The following TMEM33 variants were observed in gnomAD, a reference collection of about 807,000 sequenced individuals.
TMEM33 encodes the protein transmembrane protein 33.
TMEM33 carries 16 observed loss-of-function variants against 29.7 expected under a neutral mutation model. That is an observed-to-expected ratio of 0.54 (90% CI 0.36 to 0.82). The LOEUF (loss-of-function observed/expected upper bound fraction) is 0.82. Ranked by LOEUF, TMEM33 falls within the 40% of genes least tolerant of loss-of-function variation. The pLI is 0.00. For synonymous variants in TMEM33, 112 were observed against 109.4 expected (o/e 1.02, Z -0.15); for missense variants, 252 against 295.3 (o/e 0.85, Z 1.08).
At position 41,956,817 on chromosome 4, in the gene TMEM33, A is replaced by T. The variant is rs902999027; in HGVS notation, c.*2618A>T. 6.6e-6 allele frequency: 1 copy of T among 152,188 alleles called. No individual in the cohort carries two copies. The highest frequency in any genetic ancestry group is 1.5e-5 in the Non-Finnish European group (1 of 68,014). 9.4% of individuals were successfully genotyped at this position (152,188 alleles called of 1,614,324 possible). On this transcript the variant is annotated 3_prime_UTR_variant, in exon 7 of 7. Transcript: ENST00000504986. ...TTAAACTTACGAAAAAGTAAATTTTACAATTTGAGCATTACTAGATGTTTA... is the reference window on the plus strand; with the variant it reads ...TTAAACTTACGAAAAAGTAAATTTTTCAATTTGAGCATTACTAGATGTTTA...
At position 41,954,936 on chromosome 4, in the gene TMEM33, CA is replaced by C. The variant is rs1445269097; in HGVS notation, c.*738del. On this transcript the variant is annotated 3_prime_UTR_variant, in exon 7 of 7. Transcript: ENST00000504986. ...TTCCCTTCAAAGAGCCATTGAGAAA[CA>C]TTTCTCAAACAGGAAATCCTTCTTT... is the stretch of plus-strand genomic sequence containing the variant. The C allele has an allele frequency of 6.6e-6, 1 of 152,524 alleles. No homozygotes were observed. The highest frequency in any genetic ancestry group is 1.5e-5 in the Non-Finnish European group (1 of 68,036). 9.4% of individuals were successfully genotyped at this position (152,524 alleles called of 1,614,324 possible).
rs552774854 is a variant in TMEM33 at position 41,957,331 on chromosome 4, G to A, written c.*3132G>A. 5 of 147,134 alleles carry A rather than the reference G, an allele frequency of 3.4e-5. No homozygotes were observed. The highest frequency in any genetic ancestry group is 2.1e-4 in the South Asian group (1 of 4,678). The allele number at this position is 147,134 out of a possible 1,614,324, so 9.1% of individuals were successfully genotyped here. On this transcript the variant is annotated 3_prime_UTR_variant, in exon 7 of 7. Coordinates refer to ENST00000504986, the MANE Select transcript of TMEM33 (RefSeq NM_018126.3). Reference sequence around the variant, plus strand: ...TCCTCCTGGAAGAAAGAAAGCAAGCGAACTTTTTAAAGAAAATTAGACTTG... The same window carrying A: ...TCCTCCTGGAAGAAAGAAAGCAAGCAAACTTTTTAAAGAAAATTAGACTTG...
rs1234572075 is a variant in TMEM33, at chr4:41,954,926, C to G, written c.*727C>G. ...TGACACAGCTTTCCCTTCAAAGAGC[C>G]ATTGAGAAACATTTCTCAAACAGGA... On this transcript the variant is annotated 3_prime_UTR_variant, in exon 7 of 7. Transcript: ENST00000504986. The G allele has an allele frequency of 6.6e-6, 1 of 152,434 alleles. No homozygotes were observed. Among genetic ancestry groups the G allele is most frequent in the Non-Finnish European group, 1.5e-5 (1 of 68,032 alleles). 9.4% of individuals were successfully genotyped at this position (152,434 alleles called of 1,614,324 possible).
chr4:41,943,504 G>A (rs1385757886), intron 3 of TMEM33, among the ~76,000 whole-genome samples: 1 of 150,472 alleles, frequency 6.6e-6, no homozygotes, highest in Non-Finnish European at 1.5e-5. Context: ...CAGCCTGGGG[G>A]AGAAGAGTGA....
At chr4:41,949,420 G>C (rs372418751) in intron 6 of TMEM33, 35 bp downstream of exon 6, 94 of 1,519,732 alleles carry the variant, frequency 6.2e-5, no homozygotes, top group Non-Finnish European at 8.2e-5. Context: ...TGTTTTATTT[G>C]TTGAGAGTAT....
chr4:41,951,286 C>T (rs1713028164), intron 6 of TMEM33, among the ~76,000 whole-genome samples: 1 of 152,116 alleles, frequency 6.6e-6, no homozygotes, highest in Non-Finnish European at 1.5e-5. Flanking sequence ...CAGGTGGGTA[C>T]TCAAAAGCCA....
intron 3 of TMEM33, among the ~76,000 whole-genome samples, chr4:41,940,485 C>T (rs547793434): frequency 3.3e-5 from 5 of 151,908 alleles, no homozygotes; most frequent in Middle Eastern, 3.4e-3. Flanking sequence ...TAGGAGGAAA[C>T]CGAAATTTCC....
At position 41,944,718 on chromosome 4, in the gene TMEM33, G is replaced by A. The variant is rs1577650951; in HGVS notation, c.397-75G>A. On this transcript the variant is annotated intron_variant, in intron 4 of 6. Coordinates refer to ENST00000504986, the MANE Select transcript of TMEM33 (RefSeq NM_018126.3). ...GGTTGTATTGCCTGTTGGATAGGCTGTTTACCTACAGAAAGAAAATATTGT... is the reference window on the plus strand; with the variant it reads ...GGTTGTATTGCCTGTTGGATAGGCTATTTACCTACAGAAAGAAAATATTGT... 3.2e-6 allele frequency: 5 copies of A among 1,547,504 alleles called. No homozygotes were observed. In the East Asian group the frequency reaches 1.2e-4, roughly 36 times the overall value.
rs1376237884 is a variant in TMEM33 at position 41,958,797 on chromosome 4, C to G, written c.*4598C>G. On this transcript the variant is annotated 3_prime_UTR_variant, in exon 7 of 7. Transcript: ENST00000504986. ...AGTCTTGGCTCACTGCAACCTCTGCCTCCTGGGTTAAAGCGATTCTCATGC... is the reference window on the plus strand; with the variant it reads ...AGTCTTGGCTCACTGCAACCTCTGCGTCCTGGGTTAAAGCGATTCTCATGC... 1.3e-5 allele frequency: 2 copies of G among 149,306 alleles called. No homozygotes were observed. The highest frequency in any genetic ancestry group is 2.9e-5 in the Non-Finnish European group (2 of 67,810). 9.2% of individuals were successfully genotyped at this position (149,306 alleles called of 1,614,324 possible). A position where few individuals can be genotyped will look rare whatever the true frequency, so the allele number is the denominator to read the frequency against.
In TMEM33 at chr4:41,955,241, T is replaced by G. The variant is rs1455112391; in HGVS notation, c.*1042T>G. 1 of 152,374 alleles carries G rather than the reference T, an allele frequency of 6.6e-6. No individual in the cohort carries two copies. The highest frequency in any genetic ancestry group is 1.5e-5 in the Non-Finnish European group (1 of 67,964). The allele number at this position is 152,374 out of a possible 1,614,324, so 9.4% of individuals were successfully genotyped here. ...AGGTTTTATAGGTAAGGTAATTGATTGGGAATGGGGTAGGGGGAGGAGTTG... is the reference window on the plus strand; with the variant it reads ...AGGTTTTATAGGTAAGGTAATTGATGGGGAATGGGGTAGGGGGAGGAGTTG... On this transcript the variant is annotated 3_prime_UTR_variant, in exon 7 of 7. Transcript: ENST00000504986.
At chr4:41,941,585 C>T (rs1389140853) in intron 3 of TMEM33, among the ~76,000 whole-genome samples, 1 of 152,130 alleles carries the variant, frequency 6.6e-6, no homozygotes. Context: ...ACCTTTCTGC[C>T]TTTTTATACA....
intron 3 of TMEM33, among the ~76,000 whole-genome samples, chr4:41,940,183 C>A (rs541053908): frequency 1.3e-5 from 2 of 148,184 alleles, no homozygotes; most frequent in South Asian, 4.3e-4. Flanking sequence ...AAATAGGGTT[C>A]TTTACTATAG....
intron 1 of TMEM33, 121 bp downstream of exon 1, chr4:41,935,650 G>A: frequency 9.7e-7 from 1 of 1,029,730 alleles, no homozygotes; most frequent in Non-Finnish European, 1.4e-6. Context: ...TAATGAGTTG[G>A]GGTGGGGAAG....
intron 6 of TMEM33, among the ~76,000 whole-genome samples, chr4:41,953,587 T>C (rs1039775758): frequency 6.6e-6 from 1 of 152,248 alleles, no homozygotes; most frequent in East Asian, 1.9e-4. Flanking sequence ...AGTTTTCATC[T>C]AAAGTAACAG....
rs1713162533 is a variant in TMEM33 at position 41,954,166 on chromosome 4, C to A, written c.711C>A (p.Ala237=). The A allele has an allele frequency of 6.2e-7, 1 of 1,613,900 alleles. No homozygotes were observed. Among genetic ancestry groups the A allele is most frequent in the Non-Finnish European group, 8.5e-7 (1 of 1,179,826 alleles). ...FVRRLCLQSI[A]FISRLAPTVP is the part of the protein sequence containing the mutation. The stretch of plus-strand genomic sequence containing the variant: ...GAAGACTTTGTCTCCAGAGCATTGC[C>A]TTTATAAGCAGATTGGCACCAACAG... The change falls in exon 7 of 7, where the codon GCC becomes GCA. Residue 237 remains alanine, a synonymous_variant. Coordinates refer to ENST00000504986, the MANE Select transcript of TMEM33 (RefSeq NM_018126.3).
intron 5 of TMEM33, among the ~76,000 whole-genome samples, chr4:41,948,702 A>G (rs1221388476): frequency 6.6e-6 from 1 of 152,102 alleles, no homozygotes; most frequent in Non-Finnish European, 1.5e-5. Flanking sequence ...ACTTCCTTAC[A>G]GTTCACATTA....
intron 6 of TMEM33, among the ~76,000 whole-genome samples, chr4:41,950,651 TAGTG>T (rs1387273982): frequency 3.9e-5 from 6 of 152,300 alleles, no homozygotes; most frequent in Admixed American, 2.0e-4. Flanking sequence ...CATTCGTTCT[TAGTG>T]AGTCTCTAGT....
intron 6 of TMEM33, 48 bp downstream of exon 6, chr4:41,949,433 T>A (rs754677186): frequency 2.8e-6 from 4 of 1,408,838 alleles, no homozygotes; most frequent in Non-Finnish European, 4.0e-6. Context: ...GAGAGTATTG[T>A]GAATATATAG....
rs1379597652 is a variant in TMEM33 at position 41,956,799 on chromosome 4, T to G, written c.*2600T>G. ...ATACAAAAAAAGGTAATCTTAAACTTACGAAAAAGTAAATTTTACAATTTG... is the reference window on the plus strand; with the variant it reads ...ATACAAAAAAAGGTAATCTTAAACTGACGAAAAAGTAAATTTTACAATTTG... On this transcript the variant is annotated 3_prime_UTR_variant, in exon 7 of 7. Transcript: ENST00000504986. The G allele has an allele frequency of 6.6e-6, 1 of 152,156 alleles. No individual in the cohort carries two copies. The highest frequency in any genetic ancestry group is 1.5e-5 in the Non-Finnish European group (1 of 68,000). 9.4% of individuals were successfully genotyped at this position (152,156 alleles called of 1,614,324 possible).
Sources: allele counts gnomAD v4.1 joint callset (sites outside exome capture counted in the v4.1 genomes callset), GRCh38; gene constraint gnomAD v4.1.1; transcripts MANE v1.5; gene names NCBI Gene and HGNC (gene_info 2026-07-23, HGNC 2026-07-21).